DTL: variants seen among roughly 807,000 people sequenced by gnomAD.
The protein encoded by DTL is denticleless protein homolog.
In DTL, 46 loss-of-function variants were observed where a neutral mutation model predicts 87.0. The observed-to-expected ratio is 0.53, with a 90% CI of 0.42 to 0.68. DTL has a LOEUF of 0.68. DTL is among the 30% of genes least tolerant of loss of function. The pLI, the probability that DTL is intolerant of heterozygous loss-of-function variation, is 0.00. For missense variants in DTL, 737 were observed against 869.4 expected (o/e 0.85, Z 1.91); for synonymous variants, 308 against 311.2 (o/e 0.99, Z 0.11).
intron 5 of DTL, among the ~76,000 whole-genome samples, chr1:212,049,263 G>C (rs950062607): frequency 6.6e-6 from 1 of 152,110 alleles, no homozygotes; most frequent in Non-Finnish European, 1.5e-5. Context: ...ATTTACTGTG[G>C]TTGCAGTTGA....
intron 11 of DTL, among the ~76,000 whole-genome samples, chr1:212,075,704 T>G (rs1654807339): frequency 6.6e-6 from 1 of 152,196 alleles, no homozygotes; most frequent in African/African-American, 2.4e-5. Flanking sequence ...CTCCCATTTT[T>G]CCTTATTCAG....
intron 11 of DTL, chr1:212,077,544 C>A (rs1408715930): frequency 1.3e-5 from 2 of 152,840 alleles, no homozygotes; most frequent in Non-Finnish European, 1.5e-5. Context: ...ATAGTTTATA[C>A]CCCTTCAGAA....
Position 212,044,717 on chromosome 1 carries a change from A to G in DTL, c.236A>G (p.Tyr79Cys), listed in dbSNP as rs766493711. Residue 79 changes from tyrosine to cysteine, a missense_variant, in exon 3 of 15, where the codon TAT becomes TGT. Tyr to Cys is a radical substitution (Grantham distance 194). Coordinates refer to ENST00000366991, the MANE Select transcript of DTL (RefSeq NM_016448.4). ...AATGAAGAAGGCTTTGTTCGATTGT[A>G]TAACACAGAATCACAAAGTTTCAGA... ...VANEEGFVRL[Y>C]NTESQSFRKK... The G allele has an allele frequency of 1.2e-6, 2 of 1,613,372 alleles. No individual in the cohort carries two copies. The highest frequency in any genetic ancestry group is 1.7e-6 in the Non-Finnish European group (2 of 1,179,634).
chr1:212,080,755 G>C lies in DTL; in HGVS notation c.1261+5G>C, dbSNP rs759468446. ...AAGAGTCAAGACCTGGCCTAGGTAA[G>C]GATATCATATACTTTCCAAGTTTTT... On this transcript the variant is annotated splice_donor_5th_base_variant and intron_variant, in intron 13 of 14. Coordinates refer to ENST00000366991, the MANE Select transcript of DTL (RefSeq NM_016448.4). The C allele has an allele frequency of 6.8e-6, 11 of 1,613,082 alleles. No individual in the cohort carries two copies. The highest frequency in any genetic ancestry group is 9.3e-6 in the Non-Finnish European group (11 of 1,179,336).
intron 13 of DTL, among the ~76,000 whole-genome samples, chr1:212,091,521 C>T (rs969956118): frequency 3.9e-5 from 6 of 152,276 alleles, no homozygotes; most frequent in African/African-American, 1.4e-4. Flanking sequence ...CAGCACTATT[C>T]ACGATAGCCA....
At chr1:212,096,467 T>G (rs979376767) in intron 13 of DTL, among the ~76,000 whole-genome samples, 2 of 152,228 alleles carry the variant, frequency 1.3e-5, no homozygotes, top group African/African-American at 2.4e-5. Context: ...GACCTTAGAT[T>G]GTCAATTTGT....
chr1:212,059,779 C>A (rs1054704475), intron 5 of DTL, among the ~76,000 whole-genome samples: 33 of 80,202 alleles, frequency 4.1e-4, no homozygotes, highest in Middle Eastern at 8.5e-3. Flanking sequence ...AAAGACTCTA[C>A]AAAAAAAAAA....
intron 5 of DTL, among the ~76,000 whole-genome samples, chr1:212,062,273 T>C (rs1571955684): frequency 6.6e-6 from 1 of 152,230 alleles, no homozygotes; most frequent in East Asian, 1.9e-4. Context: ...AGGGTTTTTT[T>C]CTGGCTTAAT....
Position 212,100,455 on chromosome 1 carries a change from G to A in DTL, c.1465G>A (p.Val489Ile), listed in dbSNP as rs116830651. The stretch of plus-strand genomic sequence containing the variant: ...CAACAGAAGAGGCTCTGTCTCCTCC[G>A]TCTCTCCCAAGCCACCTTCATCTTT... The part of the protein sequence containing the change: ...PINRRGSVSS[V>I]SPKPPSSFKM... The change falls in exon 14 of 15, where the codon GTC becomes ATC. Residue 489 changes from valine (V) to isoleucine (I), a missense_variant. Physicochemically the swap from Val to Ile is conservative, Grantham distance 29. Coordinates refer to ENST00000366991, the MANE Select transcript of DTL (RefSeq NM_016448.4). The A allele has an allele frequency of 7.7e-4, 1,248 of 1,613,892 alleles. 2 individuals are homozygous for A. In the African/African-American group the frequency reaches 0.01, roughly 13 times the overall value.
chr1:212,103,220 A>T lies in DTL; in HGVS notation c.*280A>T. The T allele has an allele frequency of 5.2e-6, 1 of 191,614 alleles. No homozygotes were observed. The highest frequency in any genetic ancestry group is 1.1e-5 in the Non-Finnish European group (1 of 94,294). 11.9% of individuals were successfully genotyped at this position (191,614 alleles called of 1,614,324 possible). On this transcript the variant is annotated 3_prime_UTR_variant, in exon 15 of 15. Coordinates refer to ENST00000366991, the MANE Select transcript of DTL (RefSeq NM_016448.4). ...TTGAATGAATAGTCTTCACTTTTTAAATTATTCATCTTCTCTATAATAATG... is the reference window on the plus strand; with the variant it reads ...TTGAATGAATAGTCTTCACTTTTTATATTATTCATCTTCTCTATAATAATG...
intron 3 of DTL, among the ~76,000 whole-genome samples, chr1:212,045,135 G>A (rs1464374783): frequency 6.6e-6 from 1 of 152,134 alleles, no homozygotes; most frequent in Non-Finnish European, 1.5e-5. Context: ...CTGTTCATGA[G>A]GGATCCACCC....
At position 212,053,248 on chromosome 1, in the gene DTL, A is replaced by G. The variant is rs535228690; in HGVS notation, c.460+5831A>G. On this transcript the variant is annotated intron_variant, in intron 5 of 14. Coordinates refer to ENST00000366991, the MANE Select transcript of DTL (RefSeq NM_016448.4). ...GTGATTTTTTTTTTTAATTTCAGAT[A>G]CTGGTTTTCAGTTCTAAAATTTTCT... Among the ~76,000 whole-genome samples, 7 of 151,452 alleles carry G rather than the reference A, an allele frequency of 4.6e-5. 1 individual carries two copies. The South Asian group carries it at 1.5e-3, about 32-fold the overall frequency.
chr1:212,041,840 T>C (rs1667656072), intron 1 of DTL, among the ~76,000 whole-genome samples: 1 of 152,130 alleles, frequency 6.6e-6, no homozygotes, highest in Non-Finnish European at 1.5e-5. Flanking sequence ...CTTTAACAGC[T>C]CCTTTACAAT....
chr1:212,094,989 G>A (rs112635978), intron 13 of DTL, among the ~76,000 whole-genome samples: 3,996 of 152,162 alleles, frequency 0.026, 60 homozygotes, highest in African/African-American at 0.047. Context: ...GGAGCTTTTT[G>A]GATGAGTTTT....
At position 212,035,909 on chromosome 1, in the gene DTL, C is replaced by G; in HGVS notation, c.19C>G (p.Leu7Val). The change falls in exon 1 of 15, where the codon CTC (leucine) becomes GTC (valine). Residue 7 changes from leucine (L) to valine (V), a missense_variant. Physicochemically the swap from Leu to Val is conservative, Grantham distance 32. Coordinates refer to ENST00000366991, the MANE Select transcript of DTL (RefSeq NM_016448.4). ...GACCCTGATGCTCTTCAATTCGGTG[C>G]TCCGCCAGCCCCAGCTTGGCGTCCT... MLFNSV[L>V]RQPQLGVLRN... 1 of 1,614,158 alleles carries G rather than the reference C, an allele frequency of 6.2e-7. No homozygotes were observed. The highest frequency in any genetic ancestry group is 8.5e-7 in the Non-Finnish European group (1 of 1,180,014).
chr1:212,068,307 G>T lies in DTL; in HGVS notation c.797G>T (p.Gly266Val). 1 of 1,608,624 alleles carries T rather than the reference G, an allele frequency of 6.2e-7. No individual in the cohort carries two copies. Among genetic ancestry groups the T allele is most frequent in the Non-Finnish European group, 8.5e-7 (1 of 1,178,432 alleles). The change falls in exon 9 of 15, where the codon GGT becomes GTT. Residue 266 changes from glycine (G) to valine (V), a missense_variant. Physicochemically the swap from Gly to Val is moderately radical, Grantham distance 109 (BLOSUM62 -3). Transcript: ENST00000366991. ...GCATCCAAGTCTTTCCTGTACCCAG[G>T]TAGCAGCACTCGAAAACTTGGTAAG... is the stretch of plus-strand genomic sequence containing the variant. ...PIASKSFLYPGSSTRKLGYSS... is the reference protein window; with the variant it reads ...PIASKSFLYPVSSTRKLGYSS...
intron 5 of DTL, among the ~76,000 whole-genome samples, chr1:212,050,629 C>G (rs1352887436): frequency 6.6e-6 from 1 of 152,168 alleles, no homozygotes; most frequent in African/African-American, 2.4e-5. Context: ...GAGAAACATT[C>G]TTGATCCTTC....
chr1:212,040,831 T>C (rs1667617728), intron 1 of DTL, among the ~76,000 whole-genome samples: 1 of 152,228 alleles, frequency 6.6e-6, no homozygotes, highest in African/African-American at 2.4e-5. Flanking sequence ...GGTAGGACAG[T>C]GTGAAATTTT....
chr1:212,099,522 C>T (rs12760033), intron 13 of DTL: 4,025 of 152,804 alleles, frequency 0.026, 77 homozygotes, highest in Non-Finnish European at 0.038. Context: ...GCATGAGCCA[C>T]CACACCCAGC....
Sources: gnomAD v4.1 joint callset for allele counts (sites outside exome capture counted in the v4.1 genomes callset) on GRCh38, gnomAD v4.1.1 for gene constraint, MANE v1.5 for transcripts, NCBI Gene and HGNC (gene_info 2026-07-23, HGNC 2026-07-21) for gene names.